The following SUGCT variants were observed in gnomAD, a reference collection of about 807,000 sequenced individuals.
The protein encoded by SUGCT is succinyl-CoA:glutarate CoA-transferase.
Under a neutral mutation model 55.0 loss-of-function variants are expected in SUGCT, and 41 were observed. That is an observed-to-expected ratio of 0.74 (90% confidence interval 0.58 to 0.97). SUGCT has a LOEUF of 0.97. Among genes scored for constraint, SUGCT ranks in the 50% least tolerant of loss-of-function variants. The pLI, the probability that SUGCT is intolerant of heterozygous loss-of-function variation, is 0.00. For missense variants in SUGCT, 568 were observed against 547.8 expected (o/e 1.04, Z -0.37); for synonymous variants, 187 against 200.4 (o/e 0.93, Z 0.56).
intron 6 of SUGCT, among the ~76,000 whole-genome samples, chr7:40,203,592 C>G (rs1317867276): frequency 6.6e-6 from 1 of 151,922 alleles, no homozygotes; most frequent in Non-Finnish European, 1.5e-5. Context: ...CTGGCTAACA[C>G]GGTGAAACCC....
downstream of SUGCT, among the ~76,000 whole-genome samples, chr7:40,863,309 G>T (rs1043755334): frequency 1.3e-5 from 2 of 152,132 alleles, no homozygotes; most frequent in African/African-American, 4.8e-5. Context: ...CAGGGCTTTG[G>T]CATGAAGACT....
the SUGCT span, among the ~76,000 whole-genome samples, chr7:40,955,045 G>T: frequency 1.4e-4 from 21 of 152,146 alleles, no homozygotes; most frequent in Non-Finnish European, 2.4e-4. Flanking sequence ...CTGTAGCCTT[G>T]TAGTATAGTT....
At chr7:40,251,176 G>C (rs1043920837) in intron 7 of SUGCT, among the ~76,000 whole-genome samples, 1 of 152,048 alleles carries the variant, frequency 6.6e-6, no homozygotes, top group African/African-American at 2.4e-5. Flanking sequence ...ATCATGTATT[G>C]ATTTCATGTT....
intron 12 of SUGCT, among the ~76,000 whole-genome samples, chr7:40,682,242 C>T (rs976233382): frequency 6.6e-6 from 1 of 152,182 alleles, no homozygotes; most frequent in Non-Finnish European, 1.5e-5. Flanking sequence ...GTCCCTTCTC[C>T]CATTCCCCAC....
chr7:40,448,232 C>A (rs866226459), intron 9 of SUGCT, among the ~76,000 whole-genome samples: 29 of 137,008 alleles, frequency 2.1e-4, no homozygotes, highest in African/African-American at 7.1e-4. Context: ...CTCCCTCCCT[C>A]CCTCCCTCCC....
intron 13 of SUGCT, among the ~76,000 whole-genome samples, chr7:40,846,218 C>G (rs192958163): frequency 1.3e-5 from 2 of 152,206 alleles, no homozygotes; most frequent in East Asian, 3.9e-4. Context: ...CTTGGGAATG[C>G]GCCCAAAGAG....
intron 1 of SUGCT, among the ~76,000 whole-genome samples, chr7:40,176,625 A>G (rs1436611226): frequency 6.6e-6 from 1 of 151,852 alleles, no homozygotes; most frequent in Non-Finnish European, 1.5e-5. Flanking sequence ...TAACCTGATT[A>G]TAATGTTATT....
the SUGCT span, among the ~76,000 whole-genome samples, chr7:40,951,101 G>T: frequency 2.6e-5 from 4 of 152,138 alleles, no homozygotes; most frequent in Non-Finnish European, 2.9e-5. Context: ...GACTTTTTTT[G>T]GGTGGTAGGC....
At chr7:40,576,578 G>T (rs990562282) in intron 12 of SUGCT, among the ~76,000 whole-genome samples, 1 of 152,202 alleles carries the variant, frequency 6.6e-6, no homozygotes, top group Admixed American at 6.5e-5. Flanking sequence ...GGGCATGGCT[G>T]TTCACAATTT....
At chr7:40,932,503 C>T in the SUGCT span, among the ~76,000 whole-genome samples, 18 of 152,118 alleles carry the variant, frequency 1.2e-4, no homozygotes, top group Middle Eastern at 3.5e-3. Context: ...CTCATTGATC[C>T]GTCTAATACT....
chr7:40,575,943 CAA>C (rs766046012), intron 12 of SUGCT, among the ~76,000 whole-genome samples: 39 of 69,676 alleles, frequency 5.6e-4, no homozygotes, highest in African/African-American at 7.6e-4. Context: ...GACACTGTCT[CAA>C]AAAAAAAAAA....
At chr7:40,245,594 C>T (rs1158489870) in intron 7 of SUGCT, among the ~76,000 whole-genome samples, 3 of 148,914 alleles carry the variant, frequency 2.0e-5, no homozygotes, top group Non-Finnish European at 4.5e-5. Flanking sequence ...GGCCCACCAC[C>T]ACGCCCGGCT....
At chr7:40,158,202 C>CA (rs369413491) in intron 1 of SUGCT, among the ~76,000 whole-genome samples, 152 of 133,688 alleles carry the variant, frequency 1.1e-3, no homozygotes, top group African/African-American at 2.0e-3. Flanking sequence ...ACTCTGTATC[C>CA]AAAAAAAAAA....
chr7:40,564,938 A>G (rs912436130), intron 12 of SUGCT, among the ~76,000 whole-genome samples: 1 of 152,204 alleles, frequency 6.6e-6, no homozygotes, highest in African/African-American at 2.4e-5. Context: ...ATCACTTGCT[A>G]ACTATGTTCT....
chr7:40,674,557 G>A (rs573103502), intron 12 of SUGCT, among the ~76,000 whole-genome samples: 1 of 152,178 alleles, frequency 6.6e-6, no homozygotes, highest in South Asian at 2.1e-4. Context: ...AAAGAACCTG[G>A]ACGGGGACCA....
At chr7:40,492,405 G>A (rs542473935) in intron 11 of SUGCT, among the ~76,000 whole-genome samples, 1 of 152,248 alleles carries the variant, frequency 6.6e-6, no homozygotes, top group East Asian at 1.9e-4. Context: ...ATCTACGTCA[G>A]CCATACATCT....
chr7:41,004,588 T>G, the SUGCT span, among the ~76,000 whole-genome samples: 1 of 152,194 alleles, frequency 6.6e-6, no homozygotes, highest in East Asian at 1.9e-4. Flanking sequence ...ACCACCAGGT[T>G]CAGAGAGGAA....
chr7:40,525,293 A>G (rs1480349765), intron 12 of SUGCT, among the ~76,000 whole-genome samples: 1 of 152,204 alleles, frequency 6.6e-6, no homozygotes, highest in African/African-American at 2.4e-5. Flanking sequence ...GATAGTGAAT[A>G]TAGAACTGTG....
the SUGCT span, among the ~76,000 whole-genome samples, chr7:40,867,433 G>A: frequency 6.6e-6 from 1 of 151,722 alleles, no homozygotes; most frequent in African/African-American, 2.4e-5. Context: ...TCTGAAAAAC[G>A]TTAGAACATG....
Sources: allele counts gnomAD v4.1 joint callset (sites outside exome capture counted in the v4.1 genomes callset), GRCh38; gene constraint gnomAD v4.1.1; transcripts MANE v1.5; gene names NCBI Gene and HGNC (gene_info 2026-07-23, HGNC 2026-07-21).